Variants in DLGAP2 observed in about 807,000 individuals in gnomAD.
DLGAP2 encodes the protein disks large-associated protein 2.
Under a neutral mutation model 100.3 loss-of-function variants are expected in DLGAP2, and 26 were observed. The ratio of observed to expected loss-of-function variants is 0.26; its 90% confidence interval spans 0.19 to 0.36. The LOEUF is 0.36. Among genes scored for constraint, DLGAP2 ranks in the 10% least tolerant of loss-of-function variants. DLGAP2 has a pLI of 1.00. For synonymous variants in DLGAP2, 886 were observed against 630.1 expected (o/e 1.41, Z -6.08); for missense variants, 1,858 against 1,453.2 (o/e 1.28, Z -4.53).
intron 2 of DLGAP2, among the ~76,000 whole-genome samples, chr8:1,039,259 A>AGTTTCCATGGTCGGCTCG (rs1318398031): frequency 2.7e-5 from 2 of 74,976 alleles, no homozygotes; most frequent in African/African-American, 5.7e-5. Context: ...TGGTCGTCTC[A>AGTTTCCATGGTCGGCTCG]GTTTCCATGG....
chr8:926,799 C>T (rs1000384151), intron 2 of DLGAP2, among the ~76,000 whole-genome samples: 10 of 152,246 alleles, frequency 6.6e-5, no homozygotes, highest in African/African-American at 7.2e-5. Context: ...CCACAGGAGC[C>T]GTCACACAGC....
rs543306679 is a variant in DLGAP2, at chr8:892,551, G to A, written c.19-15361G>A. Among the ~76,000 whole-genome samples, 18 of 152,296 alleles carry A rather than the reference G, an allele frequency of 1.2e-4. 1 individual carries two copies. The highest frequency in any genetic ancestry group is 3.6e-4 in the African/African-American group (15 of 41,558). ...GGGTGCCAGGGGCTGGGGAGGGGGC[G>A]TGGGAGGACAACACAGCTAGATGGA... On this transcript the variant is annotated intron_variant, in intron 1 of 14. Transcript: ENST00000637795.
intron 2 of DLGAP2, among the ~76,000 whole-genome samples, chr8:1,207,277 C>T (rs1300265247): frequency 1.3e-5 from 2 of 152,146 alleles, no homozygotes; most frequent in African/African-American, 2.4e-5. Context: ...GTCATTCTTA[C>T]GCCGTTGCAT....
intron 2 of DLGAP2, among the ~76,000 whole-genome samples, chr8:1,251,713 A>G (rs538020798): frequency 1.4e-3 from 214 of 152,304 alleles, no homozygotes; most frequent in African/African-American, 4.7e-3. Context: ...ATCATGTCAT[A>G]CAGCCATGTG....
chr8:1,627,634 G>C (rs763831726), intron 7 of DLGAP2, among the ~76,000 whole-genome samples: 6 of 152,252 alleles, frequency 3.9e-5, no homozygotes, highest in Admixed American at 6.5e-5. Context: ...AGCTGACCTT[G>C]AGTTTGTATA....
chr8:1,323,267 C>T (rs1382025155), intron 3 of DLGAP2, among the ~76,000 whole-genome samples: 1 of 152,060 alleles, frequency 6.6e-6, no homozygotes, highest in African/African-American at 2.4e-5. Context: ...TGAGGTCAGG[C>T]AATCCACCCG....
chr8:1,564,887 C>G (rs375536715), intron 5 of DLGAP2, among the ~76,000 whole-genome samples: 4 of 152,028 alleles, frequency 2.6e-5, no homozygotes, highest in Admixed American at 6.6e-5. Flanking sequence ...TTCATGGTTG[C>G]TCAGGTCTGC....
At chr8:1,102,921 T>A (rs1804633002) in intron 2 of DLGAP2, among the ~76,000 whole-genome samples, 1 of 151,224 alleles carries the variant, frequency 6.6e-6, no homozygotes, top group Non-Finnish European at 1.5e-5. Context: ...TCTTTGTGAG[T>A]CTCTGGGTCC....
intron 2 of DLGAP2, among the ~76,000 whole-genome samples, chr8:1,094,505 T>C (rs999714691): frequency 6.6e-6 from 1 of 152,272 alleles, no homozygotes; most frequent in Non-Finnish European, 1.5e-5. Context: ...AGTGCTTTTC[T>C]CTGTTTTGTG....
intron 2 of DLGAP2, among the ~76,000 whole-genome samples, chr8:1,171,841 T>C (rs1174091133): frequency 3.9e-5 from 6 of 152,212 alleles, no homozygotes; most frequent in Non-Finnish European, 7.3e-5. Context: ...TTATCCAATT[T>C]GCCAGTCTGT....
chr8:1,546,799 G>C (rs915982442), intron 4 of DLGAP2, among the ~76,000 whole-genome samples: 1 of 152,166 alleles, frequency 6.6e-6, no homozygotes, highest in Non-Finnish European at 1.5e-5. Flanking sequence ...GGTGGCGAGA[G>C]AGGAGCAAGT....
rs558127304 is a variant in DLGAP2 at position 1,326,686 on chromosome 8, C to G, written c.106+67803C>G. On this transcript the variant is annotated intron_variant, in intron 3 of 14. Transcript: ENST00000637795. ...TCTGGGCTTGTCAAGTGAACAGGAG[C>G]TTTCCATTTGGGAAATTAAAACCTT... Among the ~76,000 whole-genome samples the G allele has an allele frequency of 2.7e-3, 418 of 152,348 alleles. 2 individuals carry two copies. The highest frequency in any genetic ancestry group is 4.8e-3 in the Non-Finnish European group (326 of 68,044).
chr8:908,160 C>T (rs1324973634), intron 2 of DLGAP2, among the ~76,000 whole-genome samples, 194 bp downstream of exon 2: 4 of 152,124 alleles, frequency 2.6e-5, no homozygotes, highest in African/African-American at 9.7e-5. Context: ...ATGAGCTGAG[C>T]CCAGAGATCT....
chr8:1,089,534 G>C (rs573174268), intron 2 of DLGAP2, among the ~76,000 whole-genome samples: 1 of 152,330 alleles, frequency 6.6e-6, no homozygotes, highest in Admixed American at 6.5e-5. Context: ...TGTCTCTGCA[G>C]AGACTGGCAC....
At chr8:1,195,010 G>A (rs12544638) in intron 2 of DLGAP2, among the ~76,000 whole-genome samples, 41,885 of 152,220 alleles carry the variant, frequency 0.28, 6,614 homozygotes, top group African/African-American at 0.43. Context: ...CTCGTGCCCT[G>A]CTCTCCTGAG....
At chr8:856,000 T>C (rs1283331842) in intron 1 of DLGAP2, among the ~76,000 whole-genome samples, 3 of 152,122 alleles carry the variant, frequency 2.0e-5, no homozygotes, top group African/African-American at 4.8e-5. Flanking sequence ...TGAGGAAGCG[T>C]AGCCTCTCAC....
intron 2 of DLGAP2, among the ~76,000 whole-genome samples, chr8:957,657 C>T (rs1016517734): frequency 3.9e-5 from 6 of 152,138 alleles, no homozygotes; most frequent in East Asian, 3.8e-4. Flanking sequence ...ACATAATGAC[C>T]GTCATTAATG....
chr8:817,501 G>T (rs140272787), intron 1 of DLGAP2, among the ~76,000 whole-genome samples: 1 of 152,306 alleles, frequency 6.6e-6, no homozygotes, highest in African/African-American at 2.4e-5. Context: ...TCCATTGCTG[G>T]TGAGGTAATA....
chr8:1,146,057 C>A (rs541952252), intron 2 of DLGAP2, among the ~76,000 whole-genome samples: 30 of 152,158 alleles, frequency 2.0e-4, no homozygotes, highest in East Asian at 1.6e-3. Flanking sequence ...ATGCCTGTCC[C>A]CTCTAACACA....
Sources: allele counts gnomAD v4.1 joint callset (sites outside exome capture counted in the v4.1 genomes callset), GRCh38; gene constraint gnomAD v4.1.1; transcripts MANE v1.5; gene names NCBI Gene and HGNC (gene_info 2026-07-23, HGNC 2026-07-21).